Variants in C10orf90 observed in about 807,000 individuals in gnomAD.
C10orf90 encodes the protein (E2-independent) E3 ubiquitin-conjugating enzyme FATS.
In C10orf90, 56 loss-of-function variants were observed where a neutral mutation model predicts 62.5. That is an observed-to-expected ratio of 0.90 (90% CI 0.72 to 1.12). C10orf90 has a LOEUF of 1.12. C10orf90 is among the 50% of genes most tolerant of loss of function. The pLI, the probability that C10orf90 is intolerant of heterozygous loss-of-function variation, is 0.00. For synonymous variants in C10orf90, 386 were observed against 340.4 expected (o/e 1.13, Z -1.47); for missense variants, 970 against 880.4 (o/e 1.10, Z -1.29).
intron 2 of C10orf90, among the ~76,000 whole-genome samples, chr10:126,588,829 A>T (rs972475602): frequency 1.3e-5 from 2 of 152,224 alleles, no homozygotes; most frequent in Admixed American, 1.3e-4. Flanking sequence ...TCTCTCTAGC[A>T]AGGGCACAGA....
At chr10:126,466,789 CA>C (rs1323954639) in intron 4 of C10orf90, among the ~76,000 whole-genome samples, 1 of 152,160 alleles carries the variant, frequency 6.6e-6, no homozygotes, top group East Asian at 1.9e-4. Flanking sequence ...TAGAAAGTAC[CA>C]AAAAGAAAGA....
chr10:126,622,467 C>T (rs184365091), intron 2 of C10orf90, among the ~76,000 whole-genome samples: 2 of 152,280 alleles, frequency 1.3e-5, no homozygotes, highest in African/African-American at 4.8e-5. Context: ...GGTTTCATTG[C>T]CAATGTCTAG....
At chr10:126,551,295 C>A (rs1185967041) in intron 2 of C10orf90, among the ~76,000 whole-genome samples, 2 of 152,222 alleles carry the variant, frequency 1.3e-5, no homozygotes, top group East Asian at 3.8e-4. Context: ...ACTGTTTCTA[C>A]CACTACCAAC....
chr10:126,465,748 T>C (rs1032236817), intron 4 of C10orf90, among the ~76,000 whole-genome samples: 1 of 152,202 alleles, frequency 6.6e-6, no homozygotes, highest in Non-Finnish European at 1.5e-5. Context: ...CTATGTCCAT[T>C]GATAGGGGAC....
At chr10:126,513,270 G>T (rs989416359) in intron 3 of C10orf90, among the ~76,000 whole-genome samples, 1 of 152,210 alleles carries the variant, frequency 6.6e-6, no homozygotes, top group Non-Finnish European at 1.5e-5. Context: ...GTCACCTACT[G>T]AAGCTGTAGT....
At chr10:126,596,682 A>G (rs1421515672) in intron 2 of C10orf90, among the ~76,000 whole-genome samples, 1 of 152,238 alleles carries the variant, frequency 6.6e-6, no homozygotes, top group East Asian at 1.9e-4. Context: ...AGTGGTGAAT[A>G]TCTCATGTAA....
chr10:126,465,118 G>A, intron 4 of C10orf90, 132 bp from the exon 5 acceptor site: 1 of 875,090 alleles, frequency 1.1e-6, no homozygotes, highest in South Asian at 1.8e-5. Flanking sequence ...CAGTTAGGAG[G>A]GCCATCTGTA....
At chr10:126,579,365 C>T (rs906187894) in intron 2 of C10orf90, among the ~76,000 whole-genome samples, 27 of 151,576 alleles carry the variant, frequency 1.8e-4, no homozygotes, top group African/African-American at 5.6e-4. Flanking sequence ...CTCAACCTCC[C>T]GAGTAGCTGG....
At chr10:126,467,728 T>A (rs978365304) in intron 4 of C10orf90, among the ~76,000 whole-genome samples, 2 of 152,160 alleles carry the variant, frequency 1.3e-5, no homozygotes, top group African/African-American at 4.8e-5. Flanking sequence ...CAAACTTGAT[T>A]ATCCCAGAAT....
intron 2 of C10orf90, among the ~76,000 whole-genome samples, chr10:126,514,496 T>C (rs1181835642): frequency 2.6e-5 from 4 of 152,174 alleles, no homozygotes; most frequent in African/African-American, 9.7e-5. Flanking sequence ...GCCACAAAGA[T>C]AGCTAAGAAT....
intron 1 of C10orf90, among the ~76,000 whole-genome samples, chr10:126,658,067 G>A (rs1296367654): frequency 1.3e-5 from 2 of 152,204 alleles, no homozygotes; most frequent in Non-Finnish European, 2.9e-5. Context: ...CAAAGTCTGG[G>A]TGTGGGAGTT....
intron 5 of C10orf90, 132 bp from the exon 6 acceptor site, chr10:126,461,717 C>T: frequency 1.1e-6 from 1 of 920,240 alleles, no homozygotes; most frequent in Non-Finnish European, 1.6e-6. Flanking sequence ...CCTCGTTAAG[C>T]TGACAAGATC....
At chr10:126,585,746 C>T (rs1173606247) in intron 2 of C10orf90, among the ~76,000 whole-genome samples, 1 of 152,072 alleles carries the variant, frequency 6.6e-6, no homozygotes, top group Non-Finnish European at 1.5e-5. Flanking sequence ...CTAATTAGGG[C>T]CAGATAACAG....
chr10:126,622,497 C>T lies in C10orf90; in HGVS notation c.313+24068G>A, dbSNP rs575059120. On this transcript the variant is annotated intron_variant, in intron 2 of 9. Coordinates refer to ENST00000488181, the MANE Select transcript of C10orf90 (RefSeq NM_001350921.2). ...GTCTAGAGACATTTCTGGGTTTTATCCCTGGAAGGAGGAGGTACCACTGCT... is the reference window on the plus strand; with the variant it reads ...GTCTAGAGACATTTCTGGGTTTTATTCCTGGAAGGAGGAGGTACCACTGCT... Among the ~76,000 whole-genome samples, 11 of 152,270 alleles carry T rather than the reference C, an allele frequency of 7.2e-5. No individual in the cohort carries two copies. In the South Asian group the frequency reaches 2.3e-3, roughly 32 times the overall value.
At chr10:126,477,313 GA>G (rs72254071) in intron 4 of C10orf90, among the ~76,000 whole-genome samples, 20,210 of 140,470 alleles carry the variant, frequency 0.14, 1,365 homozygotes, top group Non-Finnish European at 0.16. Flanking sequence ...TAAAGAACAT[GA>G]AAAAAAAAAA....
At chr10:126,610,165 G>A (rs1471261702) in intron 2 of C10orf90, among the ~76,000 whole-genome samples, 2 of 152,172 alleles carry the variant, frequency 1.3e-5, no homozygotes, top group African/African-American at 4.8e-5. Flanking sequence ...CATGTCCACA[G>A]GGCTCCCTGG....
intron 2 of C10orf90, among the ~76,000 whole-genome samples, chr10:126,586,768 A>G (rs1240560711): frequency 6.6e-6 from 1 of 152,156 alleles, no homozygotes; most frequent in Non-Finnish European, 1.5e-5. Flanking sequence ...GCTTTGGTTT[A>G]ATGAGGAGGC....
At chr10:126,518,513 T>C (rs2133933116) in intron 2 of C10orf90, among the ~76,000 whole-genome samples, 1 of 152,244 alleles carries the variant, frequency 6.6e-6, no homozygotes, top group Middle Eastern at 3.4e-3. Flanking sequence ...AATGAGGCTT[T>C]TCACCAATGG....
At chr10:126,477,307 G>A (rs1226002105) in intron 4 of C10orf90, among the ~76,000 whole-genome samples, 11 of 143,636 alleles carry the variant, frequency 7.7e-5, no homozygotes, top group African/African-American at 2.8e-4. Context: ...TATTTTTAAA[G>A]AACATGAAAA....
Sources: allele counts gnomAD v4.1 joint callset (sites outside exome capture counted in the v4.1 genomes callset), GRCh38; gene constraint gnomAD v4.1.1; transcripts MANE v1.5; gene names NCBI Gene and HGNC (gene_info 2026-07-23, HGNC 2026-07-21).